SLC30A2: variants seen among roughly 807,000 people sequenced by gnomAD.
SLC30A2 encodes the protein proton-coupled zinc antiporter SLC30A2.
Under a neutral mutation model 39.6 loss-of-function variants are expected in SLC30A2, and 19 were observed. The ratio of observed to expected loss-of-function variants is 0.48; its 90% CI spans 0.34 to 0.70. The LOEUF is 0.70. SLC30A2 is among the 30% of genes least tolerant of loss of function. SLC30A2 has a pLI of 0.01. For synonymous variants in SLC30A2, 195 were observed against 194.8 expected, an observed-to-expected ratio of 1.00 and a Z score of -0.01; for missense variants, 387 against 479.4, an observed-to-expected ratio of 0.81 and a Z score of 1.80.
chr1:26,041,557 G>C lies in SLC30A2; in HGVS notation c.838+143C>G, dbSNP rs140968519. 2,503 of 607,238 alleles carry C rather than the reference G, an allele frequency of 4.1e-3. 47 individuals are homozygous for C. The African/African-American group carries it at 0.042, about 10-fold the overall frequency. The allele number at this position is 607,238 out of a possible 1,614,324, so 37.6% of individuals were successfully genotyped here. On this transcript the variant is annotated intron_variant, in intron 6 of 7. Transcript: ENST00000374276. ...TGTCAAGATCAGCCCAGGGGCCCCA[G>C]GAGGTTTTCCAGCCTATGCCGGGGC...
In SLC30A2 at chr1:26,039,006, G is replaced by A. The variant is rs1182451792; in HGVS notation, c.*154C>T. The A allele has an allele frequency of 1.3e-5, 18 of 1,412,644 alleles. No individual in the cohort carries two copies. Among genetic ancestry groups the A allele is most frequent in the Non-Finnish European group, 1.6e-5 (17 of 1,081,390 alleles). 87.5% of individuals were successfully genotyped at this position (1,412,644 alleles called of 1,614,324 possible). A position where few individuals can be genotyped will look rare whatever the true frequency, so the allele number is the denominator to read the frequency against. The stretch of plus-strand genomic sequence containing the variant: ...TGGCTGTAGTCAGATGGGAGGCTGG[G>A]AAGAGCTCCATTCCTGGAGTGGGGC... On this transcript the variant is annotated 3_prime_UTR_variant, in exon 8 of 8. Coordinates refer to ENST00000374276, the MANE Select transcript of SLC30A2 (RefSeq NM_001004434.3). The surrounding 1 kb of genome is among the most constrained non-coding windows in gnomAD (Gnocchi z 4.3).
At chr1:26,040,258 G>GT (rs758481188) in intron 6 of SLC30A2, among the ~76,000 whole-genome samples, 5 of 151,596 alleles carry the variant, frequency 3.3e-5, no homozygotes, top group Admixed American at 6.6e-5. Context: ...ATATTTTTTG[G>GT]TTTTTTTTGA....
rs1449886097 is a variant in SLC30A2, at chr1:26,045,023, A to C, written c.245T>G (p.Leu82Arg). ...AACGACTTCTCCGATCATGAACAAC[A>C]GGCAGATGGCAGAGGCTACATACAG... is the stretch of plus-strand genomic sequence containing the variant. ...RQLYVASAICLLFMIGEVVGG... is the reference protein window; with the variant it reads ...RQLYVASAICRLFMIGEVVGG... Residue 82 changes from leucine (L) to arginine (R), a missense_variant, in exon 2 of 8, where the codon CTG becomes CGG. By Grantham distance (102) the Leu-to-Arg change is moderately radical. Coordinates refer to ENST00000374276, the MANE Select transcript of SLC30A2 (RefSeq NM_001004434.3). The C allele has an allele frequency of 6.2e-7, 1 of 1,614,246 alleles. No homozygotes were observed. Among genetic ancestry groups the C allele is most frequent in the South Asian group, 1.1e-5 (1 of 91,090 alleles).
intron 6 of SLC30A2, 51 bp downstream of exon 6, chr1:26,041,649 A>T: frequency 9.4e-7 from 1 of 1,065,918 alleles, no homozygotes; most frequent in Admixed American, 1.7e-5. Flanking sequence ...ATTTGAGCTG[A>T]TTAGCGCTTG....
In SLC30A2 at chr1:26,044,225, C is replaced by T. The variant is rs540505845; in HGVS notation, c.418+73G>A. 7.9e-6 allele frequency: 12 copies of T among 1,517,094 alleles called. No individual in the cohort carries two copies. The South Asian group carries it at 1.4e-4, about 18-fold the overall frequency. The allele number at this position is 1,517,094 out of a possible 1,614,324, so 94.0% of individuals were successfully genotyped here. A position where few individuals can be genotyped will look rare whatever the true frequency, so the allele number is the denominator to read the frequency against. On this transcript the variant is annotated intron_variant, in intron 3 of 7. Transcript: ENST00000374276. ...GGAGGAAGGGGGGATCCACCCATTA[C>T]AGCCACCTAAGAACCCCTGTTCTAA...
Position 26,042,719 on chromosome 1 carries a change from G to T in SLC30A2, c.573-11C>A, listed in dbSNP as rs1259593435. The T allele has an allele frequency of 6.2e-7, 1 of 1,612,758 alleles. No homozygotes were observed. Among genetic ancestry groups the T allele is most frequent in the Non-Finnish European group, 8.5e-7 (1 of 1,179,214 alleles). The stretch of plus-strand genomic sequence containing the variant: ...AGGGTCAACCCCATTCTATGGAAGT[G>T]GAGACAAAGCCAAGGGCTCACTGAG... On this transcript the variant is annotated splice_polypyrimidine_tract_variant and intron_variant, in intron 4 of 7. Transcript: ENST00000374276.
Position 26,039,765 on chromosome 1 carries a change from C to A in SLC30A2, c.973+12G>T. 6.2e-7 allele frequency: 1 copy of A among 1,613,206 alleles called. No homozygotes were observed. Among genetic ancestry groups the A allele is most frequent in the Non-Finnish European group, 8.5e-7 (1 of 1,179,652 alleles). On this transcript the variant is annotated intron_variant, in intron 7 of 7. Transcript: ENST00000374276. This position sits in a 1 kb window ranked among gnomAD's most constrained non-coding sequence, Gnocchi z 4.3. ...TGTCTCCCACCCCACCCTGAGTGTC[C>A]CAAGCACTCACCAATGGCGATGTGG...
chr1:26,038,077 G>A lies in SLC30A2; in HGVS notation c.*1083C>T, dbSNP rs1402860361. On this transcript the variant is annotated 3_prime_UTR_variant, in exon 8 of 8. Coordinates refer to ENST00000374276, the MANE Select transcript of SLC30A2 (RefSeq NM_001004434.3). ...CTGTGAGGGAGGCATCAACCCTGTC[G>A]GTGTACAGATGAGACTGTGGGGCAG... is the stretch of plus-strand genomic sequence containing the variant. The A allele has an allele frequency of 4.6e-5, 7 of 152,236 alleles. No individual in the cohort carries two copies. Among genetic ancestry groups the A allele is most frequent in the Non-Finnish European group, 8.8e-5 (6 of 68,062 alleles). 9.4% of individuals were successfully genotyped at this position (152,236 alleles called of 1,614,324 possible). A position where few individuals can be genotyped will look rare whatever the true frequency, so the allele number is the denominator to read the frequency against.
chr1:26,045,243 G>T (rs1457720782), intron 1 of SLC30A2, 26 bp from the exon 2 acceptor site: 2 of 1,582,402 alleles, frequency 1.3e-6, no homozygotes, highest in Non-Finnish European at 1.7e-6. Flanking sequence ...GAGAGGGAAC[G>T]CTCAGCTCTG....
rs574915679 is a variant in SLC30A2 at position 26,044,865 on chromosome 1, G to A, written c.271+132C>T. On this transcript the variant is annotated intron_variant, in intron 2 of 7. Transcript: ENST00000374276. ...GAGAACACAGGTTGTTGTTAGACCTGCATCAGATAATGTGTATATAAAGGC... is the reference window on the plus strand; with the variant it reads ...GAGAACACAGGTTGTTGTTAGACCTACATCAGATAATGTGTATATAAAGGC... 1.7e-4 allele frequency: 125 copies of A among 732,342 alleles called. No homozygotes were observed. The African/African-American group carries it at 1.9e-3, about 11-fold the overall frequency. The allele number at this position is 732,342 out of a possible 1,614,324, so 45.4% of individuals were successfully genotyped here. A position where few individuals can be genotyped will look rare whatever the true frequency, so the allele number is the denominator to read the frequency against.
rs2050370382 is a variant in SLC30A2, at chr1:26,039,111, A to G, written c.*49T>C. On this transcript the variant is annotated 3_prime_UTR_variant, in exon 8 of 8. Coordinates refer to ENST00000374276, the MANE Select transcript of SLC30A2 (RefSeq NM_001004434.3). This position sits in a 1 kb window ranked among gnomAD's most constrained non-coding sequence, Gnocchi z 4.3. ...GCTGGGCCTGGGGGACACTCAGTCC[A>G]GCCACCTGCAGGTCCTGTTCATGCC... is the stretch of plus-strand genomic sequence containing the variant. 2 of 1,595,438 alleles carry G rather than the reference A, an allele frequency of 1.3e-6. No homozygotes were observed. Among genetic ancestry groups the G allele is most frequent in the South Asian group, 2.2e-5 (2 of 90,010 alleles).
At position 26,042,717 on chromosome 1, in the gene SLC30A2, G is replaced by A. The variant is rs768951094; in HGVS notation, c.573-9C>T. On this transcript the variant is annotated splice_polypyrimidine_tract_variant and intron_variant, in intron 4 of 7. Coordinates refer to ENST00000374276, the MANE Select transcript of SLC30A2 (RefSeq NM_001004434.3). The stretch of plus-strand genomic sequence containing the variant: ...GAAGGGTCAACCCCATTCTATGGAA[G>A]TGGAGACAAAGCCAAGGGCTCACTG... 8.1e-6 allele frequency: 13 copies of A among 1,612,900 alleles called. No individual in the cohort carries two copies. Among genetic ancestry groups the A allele is most frequent in the East Asian group, 4.5e-5 (2 of 44,866 alleles).
intron 6 of SLC30A2, among the ~76,000 whole-genome samples, chr1:26,040,309 C>T (rs1024262558): frequency 6.6e-6 from 1 of 152,016 alleles, no homozygotes; most frequent in Admixed American, 6.6e-5. Flanking sequence ...AGTGCAGTGG[C>T]GTGATCTTGG....
At chr1:26,041,118 A>T (rs1285260226) in intron 6 of SLC30A2, among the ~76,000 whole-genome samples, 1 of 152,036 alleles carries the variant, frequency 6.6e-6, no homozygotes, top group Non-Finnish European at 1.5e-5. Flanking sequence ...AAAAGAAAAA[A>T]AAAAGGTAAT....
Position 26,042,642 on chromosome 1 carries a change from C to T in SLC30A2, c.639G>A (p.Glu213=). The change falls in exon 5 of 8, where the codon GAG becomes GAA. Residue 213 remains glutamate (E), a synonymous_variant. Coordinates refer to ENST00000374276, the MANE Select transcript of SLC30A2 (RefSeq NM_001004434.3). ...HSHGTTNQQE[E]NPSVRAAFIH... Reference sequence around the variant, plus strand: ...TGAAGGCAGCTCGGACGCTGGGGTTCTCCTCCTGCTGGTTGGTGGTGCCGT... The same window carrying T: ...TGAAGGCAGCTCGGACGCTGGGGTTTTCCTCCTGCTGGTTGGTGGTGCCGT... 6.2e-7 allele frequency: 1 copy of T among 1,613,938 alleles called. No individual in the cohort carries two copies. The highest frequency in any genetic ancestry group is 8.5e-7 in the Non-Finnish European group (1 of 1,180,020).
rs1569691069 is a variant in SLC30A2 at position 26,038,911 on chromosome 1, C to A, written c.*249G>T. The A allele has an allele frequency of 3.9e-6, 4 of 1,037,182 alleles. No individual in the cohort carries two copies. The highest frequency in any genetic ancestry group is 3.8e-6 in the Non-Finnish European group (3 of 799,310). 64.2% of individuals were successfully genotyped at this position (1,037,182 alleles called of 1,614,324 possible). ...GCTGAGGATTAGGCCCAAATACAGC[C>A]CTTCCAGAGCTGGCCCAGGAGCTGG... On this transcript the variant is annotated 3_prime_UTR_variant, in exon 8 of 8. Coordinates refer to ENST00000374276, the MANE Select transcript of SLC30A2 (RefSeq NM_001004434.3).
chr1:26,043,826 T>G (rs2050427995), intron 3 of SLC30A2, among the ~76,000 whole-genome samples: 1 of 152,230 alleles, frequency 6.6e-6, no homozygotes, highest in Non-Finnish European at 1.5e-5. Flanking sequence ...AGTATGTGCC[T>G]TTTGTTCAGC....
chr1:26,044,807 T>A (rs898606016), intron 2 of SLC30A2, among the ~76,000 whole-genome samples, 190 bp downstream of exon 2: 32 of 152,238 alleles, frequency 2.1e-4, no homozygotes, highest in Admixed American at 1.3e-4. Flanking sequence ...AGTTTCATCA[T>A]CTGTAAAGTA....
chr1:26,040,502 G>T (rs1008536047), intron 6 of SLC30A2, among the ~76,000 whole-genome samples: 1 of 152,122 alleles, frequency 6.6e-6, no homozygotes, highest in African/African-American at 2.4e-5. Context: ...GCCTGCCTCG[G>T]CCTCCCACAG....
Sources: allele counts gnomAD v4.1 joint callset (sites outside exome capture counted in the v4.1 genomes callset), GRCh38; gene constraint gnomAD v4.1.1; non-coding constraint Gnocchi (gnomAD v3.1); transcripts MANE v1.5; gene names NCBI Gene and HGNC (gene_info 2026-07-23, HGNC 2026-07-21).